Variants in MAD2L1BP observed in about 807,000 individuals in gnomAD.
MAD2L1BP encodes the protein MAD2L1 binding protein, also known as MAD2L1-binding protein.
A neutral mutation model predicts 28.4 loss-of-function variants in MAD2L1BP; 22 were observed. The ratio of observed to expected loss-of-function variants is 0.77; its 90% confidence interval spans 0.55 to 1.10. The LOEUF is 1.10. MAD2L1BP is among the 50% of genes least tolerant of loss of function. The probability of loss-of-function intolerance (pLI) is 0.00; values close to 1 mark genes in which losing one functional copy is unlikely to be tolerated. For synonymous variants in MAD2L1BP, 146 were observed against 133.7 expected (o/e 1.09, Z -0.63); for missense variants, 325 against 350.5 (o/e 0.93, Z 0.58).
chr6:43,629,866 A>C, intron 1 of MAD2L1BP: 1 of 1,410,890 alleles, frequency 7.1e-7, no homozygotes, highest in Non-Finnish European at 9.5e-7. Flanking sequence ...CATAGTAGTC[A>C]CTGCTTTATT....
chr6:43,640,825 C>T lies in MAD2L1BP; in HGVS notation c.*292C>T, dbSNP rs1582368857. 3 of 354,858 alleles carry T rather than the reference C, an allele frequency of 8.5e-6. No individual in the cohort carries two copies. The highest frequency in any genetic ancestry group is 9.6e-5 in the East Asian group (2 of 20,870). The allele number at this position is 354,858 out of a possible 1,614,324, so 22.0% of individuals were successfully genotyped here. A position where few individuals can be genotyped will look rare whatever the true frequency, so the allele number is the denominator to read the frequency against. Reference sequence around the variant, plus strand: ...TGGAAAGCAAAAATGGGTCCATAGACACTCTATGGAGGTGTCCCTTTCTGC... The same window carrying T: ...TGGAAAGCAAAAATGGGTCCATAGATACTCTATGGAGGTGTCCCTTTCTGC... On this transcript the variant is annotated 3_prime_UTR_variant, in exon 3 of 3. Transcript: ENST00000372171.
upstream of MAD2L1BP, among the ~76,000 whole-genome samples, chr6:43,635,661 G>T (rs1310358770): frequency 6.6e-6 from 1 of 152,260 alleles, no homozygotes; most frequent in Non-Finnish European, 1.5e-5. Context: ...AGAACTCCTG[G>T]GTTCCCTGCT....
At position 43,635,857 on chromosome 6, in the gene MAD2L1BP, T is replaced by G. The variant is rs1038731799; in HGVS notation, c.-19T>G. 3 of 1,470,574 alleles carry G rather than the reference T, an allele frequency of 2.0e-6. No homozygotes were observed. The highest frequency in any genetic ancestry group is 3.0e-5 in the African/African-American group (2 of 66,706). 91.1% of individuals were successfully genotyped at this position (1,470,574 alleles called of 1,614,324 possible). On this transcript the variant is annotated 5_prime_UTR_variant, in exon 1 of 3. Transcript: ENST00000372171. The stretch of plus-strand genomic sequence containing the variant: ...AGACCTTTATTCTAACCGCAAGGAG[T>G]AGCGGAGGGGAGGTCGTGATGGCGG...
intron 2 of MAD2L1BP, 161 bp downstream of exon 2, chr6:43,636,807 C>A: frequency 1.3e-6 from 1 of 787,526 alleles, no homozygotes; most frequent in Non-Finnish European, 2.0e-6. Context: ...GTAGCCTAAC[C>A]CTTCTGGCTT....
chr6:43,637,771 G>C (rs1346818398), intron 2 of MAD2L1BP, among the ~76,000 whole-genome samples: 1 of 151,758 alleles, frequency 6.6e-6, no homozygotes, highest in East Asian at 2.0e-4. Flanking sequence ...GCTAATTTTT[G>C]TATTTTTAGT....
chr6:43,634,843 G>A (rs181382869), upstream of MAD2L1BP, among the ~76,000 whole-genome samples: 12 of 152,266 alleles, frequency 7.9e-5, no homozygotes, highest in Admixed American at 2.6e-4. Context: ...ACAGGCGTGA[G>A]CCACCGTGCC....
At chr6:43,632,991 C>T (rs1399973827), upstream of MAD2L1BP, among the ~76,000 whole-genome samples, 12 of 151,834 alleles carry the variant, frequency 7.9e-5, no homozygotes, top group East Asian at 3.9e-4. Context: ...CATTGCACTC[C>T]AGCCTGGGCA....
intron 2 of MAD2L1BP, among the ~76,000 whole-genome samples, chr6:43,639,284 C>T (rs758031923): frequency 5.9e-5 from 9 of 152,144 alleles, no homozygotes; most frequent in Non-Finnish European, 8.8e-5. Flanking sequence ...GGACTACAGG[C>T]ATCCACCACC....
exon 1 of MAD2L1BP, chr6:43,629,704 GTGCCGCCAGCCTGC>G: frequency 6.5e-7 from 1 of 1,549,064 alleles, no homozygotes. Flanking sequence ...GAGGCTACTG[GTGCCGCCAGCCTGC>G]TGGCTCCGCC....
intron 2 of MAD2L1BP, among the ~76,000 whole-genome samples, chr6:43,638,640 C>A (rs1470197968): frequency 1.3e-5 from 2 of 151,454 alleles, no homozygotes; most frequent in Middle Eastern, 3.2e-3. Flanking sequence ...ACTAAAAATA[C>A]AAAAAATTAG....
In MAD2L1BP at chr6:43,640,211, A is replaced by G. The variant is rs1770488824; in HGVS notation, c.503A>G (p.Asp168Gly). 1 of 1,613,786 alleles carries G rather than the reference A, an allele frequency of 6.2e-7. No individual in the cohort carries two copies. Among genetic ancestry groups the G allele is most frequent in the Admixed American group, 1.7e-5 (1 of 59,984 alleles). Residue 168 changes from aspartate to glycine, a missense_variant, in exon 3 of 3, where the codon GAC becomes GGC. Transcript: ENST00000372171. ...ALSPKEFYEL[D>G]LSLLAPYSVD... ...AGCCCCAAGGAGTTCTATGAACTCG[A>G]CTTGTCTCTGCTGGCCCCCTACAGC...
upstream of MAD2L1BP, among the ~76,000 whole-genome samples, chr6:43,633,998 T>G (rs1245305467): frequency 6.6e-6 from 1 of 152,200 alleles, no homozygotes; most frequent in Non-Finnish European, 1.5e-5. Flanking sequence ...TTCTACACCC[T>G]CCCTGGGTGA....
At position 43,640,209 on chromosome 6, in the gene MAD2L1BP, C is replaced by G. The variant is rs747860034; in HGVS notation, c.501C>G (p.Leu167=). The G allele has an allele frequency of 2.5e-6, 4 of 1,613,782 alleles. No homozygotes were observed. Among genetic ancestry groups the G allele is most frequent in the East Asian group, 4.5e-5 (2 of 44,878 alleles). The change falls in exon 3 of 3, where the codon CTC becomes CTG. Residue 167 remains leucine, a synonymous_variant. Transcript: ENST00000372171. ...NALSPKEFYE[L]DLSLLAPYSV... ...TAAGCCCCAAGGAGTTCTATGAACT[C>G]GACTTGTCTCTGCTGGCCCCCTACA...
At position 43,640,750 on chromosome 6, in the gene MAD2L1BP, A is replaced by G; in HGVS notation, c.*217A>G. 2 of 533,080 alleles carry G rather than the reference A, an allele frequency of 3.8e-6. No individual in the cohort carries two copies. Among genetic ancestry groups the G allele is most frequent in the Non-Finnish European group, 6.4e-6 (2 of 310,818 alleles). 33.0% of individuals were successfully genotyped at this position (533,080 alleles called of 1,614,324 possible). ...TTGCTGAACAACATCTCTTTGAATC[A>G]AAGGTTGATTTTCCCAGAGGGTGCT... On this transcript the variant is annotated 3_prime_UTR_variant, in exon 3 of 3. Coordinates refer to ENST00000372171, the MANE Select transcript of MAD2L1BP (RefSeq NM_014628.3).
At position 43,640,460 on chromosome 6, in the gene MAD2L1BP, C is replaced by G. The variant is rs1277581449; in HGVS notation, c.752C>G (p.Ser251Cys). The stretch of plus-strand genomic sequence containing the variant: ...GTGACCCTGTCATGTGGCAGACCTT[C>G]CATCCGAACCACGGCTTGGGAAGAC... ...LTVTLSCGRP[S>C]IRTTAWEDYI... The change falls in exon 3 of 3, where the codon TCC becomes TGC. Residue 251 changes from serine to cysteine, a missense_variant. Coordinates refer to ENST00000372171, the MANE Select transcript of MAD2L1BP (RefSeq NM_014628.3). 1.2e-6 allele frequency: 2 copies of G among 1,613,354 alleles called. No individual in the cohort carries two copies. The highest frequency in any genetic ancestry group is 1.7e-6 in the Non-Finnish European group (2 of 1,179,852).
At chr6:43,632,457 G>A (rs905248731), upstream of MAD2L1BP, among the ~76,000 whole-genome samples, 5 of 151,212 alleles carry the variant, frequency 3.3e-5, no homozygotes, top group Admixed American at 1.3e-4. Context: ...GGGGTTTGCC[G>A]TGTTGCTCAG....
At position 43,640,379 on chromosome 6, in the gene MAD2L1BP, A is replaced by T. The variant is rs1471542960; in HGVS notation, c.671A>T (p.Asp224Val). ...MAQGHRNCGE[D>V]WFRPKLNYRV... ...CAGGGACACCGCAACTGTGGAGAAGATTGGTTTCGACCCAAGCTCAACTAT... is the reference window on the plus strand; with the variant it reads ...CAGGGACACCGCAACTGTGGAGAAGTTTGGTTTCGACCCAAGCTCAACTAT... The change falls in exon 3 of 3, where the codon GAT (aspartate) becomes GTT (valine). Residue 224 changes from aspartate to valine, a missense_variant. Physicochemically the swap from Asp to Val is radical, Grantham distance 152. Transcript: ENST00000372171. 1 of 1,613,934 alleles carries T rather than the reference A, an allele frequency of 6.2e-7. No individual in the cohort carries two copies. Among genetic ancestry groups the T allele is most frequent in the East Asian group, 2.2e-5 (1 of 44,882 alleles).
upstream of MAD2L1BP, among the ~76,000 whole-genome samples, chr6:43,631,992 C>T (rs962702658): frequency 2.0e-5 from 3 of 151,724 alleles, no homozygotes; most frequent in South Asian, 2.1e-4. Context: ...CTCCTCCTCC[C>T]GGGTTCAAGC....
upstream of MAD2L1BP, among the ~76,000 whole-genome samples, chr6:43,635,066 A>G (rs1011603074): frequency 6.6e-6 from 1 of 152,030 alleles, no homozygotes; most frequent in Non-Finnish European, 1.5e-5. Context: ...CTGTAATCCA[A>G]TCTCTATCCT....
Sources: gnomAD v4.1 joint callset for allele counts (sites outside exome capture counted in the v4.1 genomes callset) on GRCh38, gnomAD v4.1.1 for gene constraint, MANE v1.5 for transcripts, NCBI Gene and HGNC (gene_info 2026-07-23, HGNC 2026-07-21) for gene names.